The following TAF1B variants were observed in gnomAD, a reference collection of about 807,000 sequenced individuals.
TAF1B encodes TATA box-binding protein-associated factor RNA polymerase I subunit B.
In TAF1B, 61 loss-of-function variants were observed where a neutral mutation model predicts 83.9. The ratio of observed to expected loss-of-function variants is 0.73; its 90% CI spans 0.59 to 0.90. TAF1B has a LOEUF of 0.90. Ranked by LOEUF, TAF1B falls within the 40% of genes least tolerant of loss-of-function variation. The probability of loss-of-function intolerance (pLI) is 0.00; values close to 1 mark genes in which losing one functional copy is unlikely to be tolerated. For missense variants in TAF1B, 625 were observed against 677.0 expected (o/e 0.92, Z 0.85); for synonymous variants, 221 against 224.6 (o/e 0.98, Z 0.14).
At chr2:9,857,276 T>C (rs1193852660) in intron 5 of TAF1B, among the ~76,000 whole-genome samples, 2 of 152,252 alleles carry the variant, frequency 1.3e-5, no homozygotes, top group East Asian at 3.9e-4. Flanking sequence ...ACACTAAAGT[T>C]TGAGAAGCAC....
chr2:9,916,471 G>A (rs546034821), intron 12 of TAF1B, among the ~76,000 whole-genome samples: 42 of 152,258 alleles, frequency 2.8e-4, no homozygotes, highest in African/African-American at 9.6e-4. Context: ...ATGCTTTCTT[G>A]ATCTGTGGCA....
intron 5 of TAF1B, among the ~76,000 whole-genome samples, chr2:9,855,156 G>T (rs1245006188): frequency 6.6e-6 from 1 of 151,992 alleles, no homozygotes; most frequent in Non-Finnish European, 1.5e-5. Context: ...CACCACACCT[G>T]GTTCATTTTT....
rs1403560743 is a variant in TAF1B, at chr2:9,845,523, T to C, written c.117+205T>C. 1.3e-5 allele frequency: 6 copies of C among 467,022 alleles called. No homozygotes were observed. The East Asian group carries it at 2.3e-4, about 18-fold the overall frequency. 28.9% of individuals were successfully genotyped at this position (467,022 alleles called of 1,614,324 possible). A position where few individuals can be genotyped will look rare whatever the true frequency, so the allele number is the denominator to read the frequency against. The stretch of plus-strand genomic sequence containing the variant: ...TTGAGGATGAGTTTTTGAAATTATG[T>C]TGGGCCACATTTATAAATGATTTCT... On this transcript the variant is annotated intron_variant, in intron 2 of 14. Transcript: ENST00000263663.
intron 14 of TAF1B, among the ~76,000 whole-genome samples, chr2:9,930,892 T>C (rs1666189908): frequency 6.6e-6 from 1 of 152,260 alleles, no homozygotes; most frequent in Non-Finnish European, 1.5e-5. Flanking sequence ...TTAGCTCTTC[T>C]TGTTGAATTG....
At chr2:9,865,294 T>C (rs1349393195) in intron 5 of TAF1B, among the ~76,000 whole-genome samples, 4 of 151,966 alleles carry the variant, frequency 2.6e-5, no homozygotes, top group South Asian at 4.1e-4. Context: ...TATACACCAA[T>C]AACAGACAAA....
chr2:9,918,495 A>G (rs1665761962), intron 12 of TAF1B, among the ~76,000 whole-genome samples: 1 of 152,212 alleles, frequency 6.6e-6, no homozygotes, highest in East Asian at 1.9e-4. Context: ...CTTGGCAAGA[A>G]TAGGCTGAGT....
intron 8 of TAF1B, among the ~76,000 whole-genome samples, chr2:9,897,906 T>G (rs912013366): frequency 6.6e-6 from 1 of 152,134 alleles, no homozygotes; most frequent in African/African-American, 2.4e-5. Context: ...TCATTTCTAC[T>G]CTTCCCTCCC....
chr2:9,872,460 G>T (rs959514114), intron 6 of TAF1B, among the ~76,000 whole-genome samples: 1 of 152,036 alleles, frequency 6.6e-6, no homozygotes, highest in African/African-American at 2.4e-5. Flanking sequence ...CCTTCTTTAG[G>T]GATCCCCAGT....
intron 6 of TAF1B, among the ~76,000 whole-genome samples, chr2:9,869,211 TA>T (rs1319536596): frequency 6.6e-6 from 1 of 151,904 alleles, no homozygotes; most frequent in Non-Finnish European, 1.5e-5. Flanking sequence ...TTTGTTTGCT[TA>T]TTTTTTTTTG....
intron 5 of TAF1B, among the ~76,000 whole-genome samples, chr2:9,862,534 A>G (rs1043888443): frequency 3.3e-5 from 5 of 152,256 alleles, no homozygotes; most frequent in Admixed American, 2.0e-4. Context: ...GTTGTTATCC[A>G]GGAGAACTTC....
chr2:9,861,528 C>G (rs1348615488), intron 5 of TAF1B, among the ~76,000 whole-genome samples: 1 of 152,242 alleles, frequency 6.6e-6, no homozygotes, highest in Non-Finnish European at 1.5e-5. Flanking sequence ...GAGCAGGGCA[C>G]AGACAAACAA....
chr2:9,862,498 G>A (rs1244560886), intron 5 of TAF1B, among the ~76,000 whole-genome samples: 2 of 152,134 alleles, frequency 1.3e-5, no homozygotes, highest in Non-Finnish European at 2.9e-5. Flanking sequence ...AGGGAGAATC[G>A]AACCAAGTTG....
In TAF1B at chr2:9,924,292, C is replaced by T. The variant is rs180837450; in HGVS notation, c.1565+4472C>T. ...TTTCTCAGAGAGCCCCTTAGCCCCT[C>T]GCTCAGAGCCCCTGACTCTGCCCTT... On this transcript the variant is annotated intron_variant, in intron 14 of 14. Transcript: ENST00000263663. Among the ~76,000 whole-genome samples, 45 of 152,268 alleles carry T rather than the reference C, an allele frequency of 3.0e-4. No individual in the cohort carries two copies. The East Asian group carries it at 7.9e-3, about 27-fold the overall frequency.
intron 14 of TAF1B, among the ~76,000 whole-genome samples, chr2:9,920,738 C>T (rs1665853633): frequency 6.6e-6 from 1 of 152,172 alleles, no homozygotes; most frequent in Non-Finnish European, 1.5e-5. Flanking sequence ...GATCTTCATT[C>T]AACTTTGTCC....
chr2:9,885,176 A>C (rs1664635544), intron 8 of TAF1B, among the ~76,000 whole-genome samples: 1 of 152,172 alleles, frequency 6.6e-6, no homozygotes, highest in Admixed American at 6.5e-5. Flanking sequence ...AAAAGCCTAA[A>C]TACTGTAGTT....
chr2:9,870,263 G>T (rs775006461), intron 6 of TAF1B, among the ~76,000 whole-genome samples: 101 of 152,292 alleles, frequency 6.6e-4, no homozygotes, highest in Admixed American at 1.4e-3. Flanking sequence ...GCCAAGGAGG[G>T]AGGATCAGTT....
intron 5 of TAF1B, 69 bp downstream of exon 5, chr2:9,854,490 C>A: frequency 8.7e-7 from 1 of 1,142,950 alleles, no homozygotes; most frequent in Admixed American, 1.9e-5. Context: ...AAGATGGGTT[C>A]ATGACCAGTT....
chr2:9,866,412 C>T (rs1470317644), intron 5 of TAF1B, among the ~76,000 whole-genome samples: 5 of 150,834 alleles, frequency 3.3e-5, no homozygotes, highest in African/African-American at 9.7e-5. Flanking sequence ...GTTAGAATGG[C>T]GATCATTAAA....
chr2:9,867,046 C>T (rs1664002924), intron 5 of TAF1B, among the ~76,000 whole-genome samples: 1 of 152,026 alleles, frequency 6.6e-6, no homozygotes, highest in African/African-American at 2.4e-5. Flanking sequence ...TGTAAGAAAC[C>T]TGCATGTTGT....
Sources: allele counts gnomAD v4.1 joint callset (sites outside exome capture counted in the v4.1 genomes callset), GRCh38; gene constraint gnomAD v4.1.1; transcripts MANE v1.5; gene names NCBI Gene and HGNC (gene_info 2026-07-23, HGNC 2026-07-21).